POGLUT1: variants seen among roughly 807,000 people sequenced by gnomAD.
POGLUT1 encodes the protein protein O-glucosyltransferase 1.
In POGLUT1, 32 loss-of-function variants were observed where a neutral mutation model predicts 61.3. The ratio of observed to expected loss-of-function variants is 0.52; its 90% CI spans 0.39 to 0.70. The LOEUF is 0.70. Ranked by LOEUF, POGLUT1 falls within the 30% of genes least tolerant of loss-of-function variation. The pLI is 0.00. For synonymous variants in POGLUT1, 158 were observed against 158.2 expected, an observed-to-expected ratio of 1.00 and a Z score of 0.01; for missense variants, 411 against 469.8, an observed-to-expected ratio of 0.87 and a Z score of 1.16.
At chr3:119,486,754 G>C in intron 6 of POGLUT1, 79 bp from the exon 7 acceptor site, 1 of 956,156 alleles carries the variant, frequency 1.0e-6, no homozygotes. Flanking sequence ...TTGGGTCCTA[G>C]TCCTGCTCAC....
intron 7 of POGLUT1, 56 bp from the exon 8 acceptor site, chr3:119,488,873 G>A: frequency 2.2e-6 from 2 of 921,526 alleles, no homozygotes; most frequent in East Asian, 2.4e-5. Context: ...TTGCTGCACA[G>A]TGATCACAAT....
chr3:119,469,303 A>G, intron 1 of POGLUT1, 197 bp downstream of exon 1: 1 of 592,804 alleles, frequency 1.7e-6, no homozygotes, highest in Non-Finnish European at 3.0e-6. Flanking sequence ...CCTGGAGAGT[A>G]ACCCATTCCC....
Position 119,490,731 on chromosome 3 carries a change from C to T in POGLUT1, c.965+13C>T. On this transcript the variant is annotated intron_variant, in intron 9 of 10. Transcript: ENST00000295588. ...TCTCCAATGTCCAGTAAGCAGTTAT[C>T]CCCCAATGCAGAGTTTCTAAAGACC... is the stretch of plus-strand genomic sequence containing the variant. 6.2e-7 allele frequency: 1 copy of T among 1,609,080 alleles called. No individual in the cohort carries two copies.
intron 10 of POGLUT1, 133 bp downstream of exon 10, chr3:119,491,707 C>T (rs769966299): frequency 1.0e-4 from 53 of 511,014 alleles, no homozygotes; most frequent in Non-Finnish European, 1.3e-4. Flanking sequence ...TAATTCAGAA[C>T]TAAACCTGTC....
rs1283774190 is a variant in POGLUT1, at chr3:119,493,149, A to AAG, written c.*712_*713insGA. ...CTTCTTAATGCCTCTCTAAAGCCAA[A>AAG]AAAAAAAAAAAAGACAAAGCCTCTT... is the stretch of plus-strand genomic sequence containing the variant. On this transcript the variant is annotated 3_prime_UTR_variant, in exon 11 of 11. Coordinates refer to ENST00000295588, the MANE Select transcript of POGLUT1 (RefSeq NM_152305.3). 1 of 150,482 alleles carries AAG rather than the reference A, an allele frequency of 6.6e-6. No individual in the cohort carries two copies. Among genetic ancestry groups the AAG allele is most frequent in the Non-Finnish European group, 1.5e-5 (1 of 67,356 alleles). 9.3% of individuals were successfully genotyped at this position (150,482 alleles called of 1,614,324 possible).
intron 3 of POGLUT1, among the ~76,000 whole-genome samples, chr3:119,476,826 T>C (rs1485110845): frequency 6.6e-6 from 1 of 152,250 alleles, no homozygotes. Flanking sequence ...AGGTTGAAGG[T>C]AATGAAAGGT....
chr3:119,488,934 C>T lies in POGLUT1; in HGVS notation c.744C>T (p.Thr248=). ...AACTTCCTTTCCACTTAAAGGATAC[C>T]TTAGGAAAGCCAGCTGCTAAGGATG... ...KNQAWKSMKD[T]LGKPAAKDVH... is the part of the protein sequence containing the mutation. Residue 248 remains threonine, a synonymous_variant, in exon 8 of 11, where the codon ACC becomes ACT. Coordinates refer to ENST00000295588, the MANE Select transcript of POGLUT1 (RefSeq NM_152305.3). The T allele has an allele frequency of 1.9e-6, 3 of 1,584,694 alleles. No homozygotes were observed. Among genetic ancestry groups the T allele is most frequent in the Non-Finnish European group, 2.6e-6 (3 of 1,154,960 alleles).
intron 8 of POGLUT1, chr3:119,489,705 C>T (rs1268251656): frequency 6.6e-6 from 1 of 152,112 alleles, no homozygotes; most frequent in African/African-American, 2.4e-5. Context: ...CCAGGGGTCC[C>T]CAACCCCCTG....
At chr3:119,491,343 G>GT (rs561930105) in intron 9 of POGLUT1, among the ~76,000 whole-genome samples, 175 bp from the exon 10 acceptor site, 26 of 149,606 alleles carry the variant, frequency 1.7e-4, no homozygotes, top group South Asian at 1.0e-3. Context: ...GTGTGTGGGG[G>GT]TTTTTTTTTG....
intron 4 of POGLUT1, chr3:119,478,014 C>T (rs74883458): frequency 3.0e-4 from 82 of 270,428 alleles, no homozygotes; most frequent in South Asian, 6.4e-4. Context: ...CTTTTAGACT[C>T]ATCATGGAAG....
chr3:119,492,484 A>C lies in POGLUT1; in HGVS notation c.*46A>C. 1 of 1,339,470 alleles carries C rather than the reference A, an allele frequency of 7.5e-7. No individual in the cohort carries two copies. The highest frequency in any genetic ancestry group is 1.0e-6 in the Non-Finnish European group (1 of 971,898). The allele number at this position is 1,339,470 out of a possible 1,614,324, so 83.0% of individuals were successfully genotyped here. A position where few individuals can be genotyped will look rare whatever the true frequency, so the allele number is the denominator to read the frequency against. Reference sequence around the variant, plus strand: ...TCCTCTTTGTGGCAACAGATCTCAGATATCCTACGGTGAGAAGCTTACCAT... The same window carrying C: ...TCCTCTTTGTGGCAACAGATCTCAGCTATCCTACGGTGAGAAGCTTACCAT... On this transcript the variant is annotated 3_prime_UTR_variant, in exon 11 of 11. Coordinates refer to ENST00000295588, the MANE Select transcript of POGLUT1 (RefSeq NM_152305.3).
Position 119,492,503 on chromosome 3 carries a change from T to G in POGLUT1, c.*65T>G. 8.7e-7 allele frequency: 1 copy of G among 1,147,534 alleles called. No individual in the cohort carries two copies. Among genetic ancestry groups the G allele is most frequent in the South Asian group, 1.8e-5 (1 of 55,830 alleles). The allele number at this position is 1,147,534 out of a possible 1,614,324, so 71.1% of individuals were successfully genotyped here. ...TCTCAGATATCCTACGGTGAGAAGCTTACCATAAGCTTGGCACCTATACCT... is the reference window on the plus strand; with the variant it reads ...TCTCAGATATCCTACGGTGAGAAGCGTACCATAAGCTTGGCACCTATACCT... On this transcript the variant is annotated 3_prime_UTR_variant, in exon 11 of 11. Transcript: ENST00000295588.
chr3:119,485,021 C>T (rs556855358), intron 5 of POGLUT1, among the ~76,000 whole-genome samples: 1 of 152,140 alleles, frequency 6.6e-6, no homozygotes, highest in Non-Finnish European at 1.5e-5. Flanking sequence ...TAGAGACCAT[C>T]CTGGCTAACA....
At position 119,480,107 on chromosome 3, in the gene POGLUT1, T is replaced by A. The variant is rs1194536007; in HGVS notation, c.513T>A (p.Pro171=). The part of the protein sequence containing the change: ...YPAWTFWEGG[P]AVWPIYPTGL... ...CTTGGACATTTTGGGAAGGGGGACCTGCTGTTTGGCCAATTTATCCTACAG... is the reference window on the plus strand; with the variant it reads ...CTTGGACATTTTGGGAAGGGGGACCAGCTGTTTGGCCAATTTATCCTACAG... Residue 171 remains proline (P), a synonymous_variant, in exon 5 of 11, where the codon CCT becomes CCA. Coordinates refer to ENST00000295588, the MANE Select transcript of POGLUT1 (RefSeq NM_152305.3). 1.2e-6 allele frequency: 2 copies of A among 1,613,002 alleles called. No homozygotes were observed. Among genetic ancestry groups the A allele is most frequent in the Non-Finnish European group, 8.5e-7 (1 of 1,179,522 alleles).
At chr3:119,471,544 G>A (rs116218525) in intron 3 of POGLUT1, 92 bp downstream of exon 3, 116 of 1,103,574 alleles carry the variant, frequency 1.1e-4, no homozygotes, top group African/African-American at 9.0e-4. Flanking sequence ...GGACTAACAA[G>A]CAGATCCCTC....
chr3:119,481,942 A>C (rs144054099), intron 5 of POGLUT1, among the ~76,000 whole-genome samples: 1 of 152,186 alleles, frequency 6.6e-6, no homozygotes, highest in African/African-American at 2.4e-5. Flanking sequence ...GTTTTTTAAA[A>C]TTTTTTGTAG....
At chr3:119,484,954 C>T (rs972544736) in intron 5 of POGLUT1, among the ~76,000 whole-genome samples, 3 of 152,128 alleles carry the variant, frequency 2.0e-5, no homozygotes, top group African/African-American at 7.2e-5. Context: ...CAGTGGCTCA[C>T]GCCTGTAATC....
At chr3:119,480,735 TTC>T (rs1163319137) in intron 5 of POGLUT1, among the ~76,000 whole-genome samples, 1 of 148,860 alleles carries the variant, frequency 6.7e-6, no homozygotes, top group Non-Finnish European at 1.5e-5. Flanking sequence ...TTTTAAATTT[TTC>T]TTTCTTTTTT....
At chr3:119,478,623 C>T (rs1178204085) in intron 4 of POGLUT1, 1 of 345,800 alleles carries the variant, frequency 2.9e-6, no homozygotes, top group Non-Finnish European at 5.7e-6. Context: ...GAGAGTTTTA[C>T]TCTGTCAACT....
Sources: allele counts gnomAD v4.1 joint callset (sites outside exome capture counted in the v4.1 genomes callset), GRCh38; gene constraint gnomAD v4.1.1; transcripts MANE v1.5; gene names NCBI Gene and HGNC (gene_info 2026-07-23, HGNC 2026-07-21).